Variants in TENM3 observed in about 807,000 individuals in gnomAD.
TENM3 encodes teneurin-3.
In TENM3, 63 loss-of-function variants were observed where a neutral mutation model predicts 255.1. The ratio of observed to expected loss-of-function variants is 0.25; its 90% CI spans 0.20 to 0.30. The LOEUF (loss-of-function observed/expected upper bound fraction) is 0.30. Among genes scored for constraint, TENM3 ranks in the 10% least tolerant of loss-of-function variants. The probability of loss-of-function intolerance (pLI) is 1.00; values close to 1 mark genes in which losing one functional copy is unlikely to be tolerated. For missense variants in TENM3, 2,929 were observed against 3,461.1 expected (o/e 0.85, Z 3.86); for synonymous variants, 1,306 against 1,322.3 (o/e 0.99, Z 0.27).
chr4:182,120,633 G>A, the TENM3 span, among the ~76,000 whole-genome samples: 3 of 152,174 alleles, frequency 2.0e-5, no homozygotes, highest in African/African-American at 7.2e-5. Flanking sequence ...AGGGTCATTT[G>A]CAACTTTAAA....
At chr4:182,591,494 G>A (rs1028218695) in intron 3 of TENM3, among the ~76,000 whole-genome samples, 1 of 152,128 alleles carries the variant, frequency 6.6e-6, no homozygotes, top group Admixed American at 6.5e-5. Context: ...ACAATCAATT[G>A]ATGATGAAGG....
At chr4:182,431,506 A>G (rs1216073535) in intron 3 of TENM3, among the ~76,000 whole-genome samples, 1 of 152,142 alleles carries the variant, frequency 6.6e-6, no homozygotes, top group Non-Finnish European at 1.5e-5. Context: ...CAAAGAAAAG[A>G]AAAGAAAAGG....
chr4:181,909,413 A>G, the TENM3 span, among the ~76,000 whole-genome samples: 1 of 152,094 alleles, frequency 6.6e-6, no homozygotes, highest in Non-Finnish European at 1.5e-5. Flanking sequence ...CCCATACTGA[A>G]ATGGCTGATT....
At chr4:182,042,880 CGTGTGT>C in the TENM3 span, among the ~76,000 whole-genome samples, 177 of 149,256 alleles carry the variant, frequency 1.2e-3, 1 homozygote, top group East Asian at 5.9e-3. Context: ...ATCGTGTGTG[CGTGTGT>C]GTGTGTGTGT....
intron 1 of TENM3, among the ~76,000 whole-genome samples, chr4:182,259,930 C>G (rs1263965105): frequency 6.6e-6 from 1 of 151,982 alleles, no homozygotes; most frequent in Admixed American, 6.6e-5. Flanking sequence ...CCCTACTCTT[C>G]TTGGTTTCTG....
At chr4:182,002,748 G>T in the TENM3 span, among the ~76,000 whole-genome samples, 1 of 151,982 alleles carries the variant, frequency 6.6e-6, no homozygotes, top group African/African-American at 2.4e-5. Context: ...AAAACATTGA[G>T]GCAAAGCTTT....
chr4:181,836,803 G>A, the TENM3 span, among the ~76,000 whole-genome samples: 14 of 152,206 alleles, frequency 9.2e-5, no homozygotes, highest in East Asian at 1.5e-3. Flanking sequence ...TTTAATAAAC[G>A]TTCTTCTTTG....
At chr4:182,059,745 C>CA in the TENM3 span, among the ~76,000 whole-genome samples, 12,594 of 43,096 alleles carry the variant, frequency 0.29, 1,086 homozygotes, top group East Asian at 0.41. Flanking sequence ...TCTGTCTCTA[C>CA]AAAAAAAAAA....
the TENM3 span, among the ~76,000 whole-genome samples, chr4:181,946,420 G>C: frequency 6.6e-6 from 1 of 152,168 alleles, no homozygotes; most frequent in Non-Finnish European, 1.5e-5. Flanking sequence ...CATCTTTCAA[G>C]ACGTGGCTCT....
chr4:181,645,478 G>A, the TENM3 span, among the ~76,000 whole-genome samples: 12 of 152,090 alleles, frequency 7.9e-5, no homozygotes, highest in South Asian at 4.1e-4. Context: ...TTTGGTCCCC[G>A]GTCATCTCAC....
the TENM3 span, chr4:181,975,164 G>GTTTTTTTTGTTTTTTTTTTTTT: frequency 6.8e-6 from 1 of 147,900 alleles, no homozygotes. Context: ...TTGAAACAGG[G>GTTTTTTTTGTTTTTTTTTTTTT]TCTCACTCTG....
intron 3 of TENM3, among the ~76,000 whole-genome samples, chr4:182,576,350 A>G (rs1744916284): frequency 6.6e-6 from 1 of 152,206 alleles, no homozygotes; most frequent in Non-Finnish European, 1.5e-5. Context: ...AAAAACAAAG[A>G]AAGGTTTTGC....
intron 6 of TENM3, among the ~76,000 whole-genome samples, chr4:182,665,552 CATAG>C (rs963962277): frequency 3.5e-4 from 54 of 152,174 alleles, no homozygotes; most frequent in African/African-American, 1.2e-3. Flanking sequence ...GTAAGGCTAT[CATAG>C]ATAGATAGTG....
chr4:182,754,606 T>C lies in TENM3; in HGVS notation c.4239T>C (p.Ser1413=). ...ESATAIAVSY[S]GVLYITETDE... is the part of the protein sequence containing the mutation. ...CCACTGCCATTGCTGTGTCCTACAGTGGGGTCCTGTACATTACTGAAACTG... is the reference window on the plus strand; with the variant it reads ...CCACTGCCATTGCTGTGTCCTACAGCGGGGTCCTGTACATTACTGAAACTG... Residue 1413 remains serine, a synonymous_variant, in exon 22 of 28, where the codon AGT becomes AGC. Coordinates refer to ENST00000511685, the MANE Select transcript of TENM3 (RefSeq NM_001080477.4). This position sits in a 1 kb window ranked among gnomAD's most constrained non-coding sequence, Gnocchi z 5.1. 6.2e-7 allele frequency: 1 copy of C among 1,613,932 alleles called. No homozygotes were observed. Among genetic ancestry groups the C allele is most frequent in the Non-Finnish European group, 8.5e-7 (1 of 1,179,884 alleles).
At chr4:181,850,408 A>C in the TENM3 span, among the ~76,000 whole-genome samples, 1 of 152,032 alleles carries the variant, frequency 6.6e-6, no homozygotes, top group Admixed American at 6.6e-5. Flanking sequence ...AAATTTTGGT[A>C]TTTGCTTCTT....
intron 3 of TENM3, among the ~76,000 whole-genome samples, chr4:182,522,568 T>C (rs1738692123): frequency 6.6e-6 from 1 of 152,234 alleles, no homozygotes; most frequent in Non-Finnish European, 1.5e-5. Flanking sequence ...CACGTTTTCT[T>C]TCTTTTTTAA....
chr4:181,656,330 C>T, the TENM3 span, among the ~76,000 whole-genome samples: 20,251 of 152,134 alleles, frequency 0.13, 1,554 homozygotes, highest in Non-Finnish European at 0.17. Flanking sequence ...AGAGTTCACA[C>T]GACCTCCTGA....
chr4:181,629,791 A>G, the TENM3 span, among the ~76,000 whole-genome samples: 28 of 152,048 alleles, frequency 1.8e-4, no homozygotes, highest in Non-Finnish European at 4.0e-4. Context: ...ATTGGTCTAA[A>G]ATTCTCTTTT....
At chr4:181,566,528 C>T in the TENM3 span, among the ~76,000 whole-genome samples, 1 of 151,992 alleles carries the variant, frequency 6.6e-6, no homozygotes, top group African/African-American at 2.4e-5. Flanking sequence ...TGAGATTTTC[C>T]TCTTTCCCAC....
Sources: allele counts gnomAD v4.1 joint callset (sites outside exome capture counted in the v4.1 genomes callset), GRCh38; gene constraint gnomAD v4.1.1; non-coding constraint Gnocchi (gnomAD v3.1); transcripts MANE v1.5; gene names NCBI Gene and HGNC (gene_info 2026-07-23, HGNC 2026-07-21).